The following ADGRD1 variants were observed in gnomAD, a reference collection of about 807,000 sequenced individuals.
ADGRD1 encodes G-protein coupled receptor 133.
In ADGRD1, 77 loss-of-function variants were observed where a neutral mutation model predicts 113.4. That is an observed-to-expected ratio of 0.68 (90% CI 0.57 to 0.82). The LOEUF is 0.82. ADGRD1 is among the 40% of genes least tolerant of loss of function. The pLI, the probability that ADGRD1 is intolerant of heterozygous loss-of-function variation, is 0.00. For missense variants in ADGRD1, 1,036 were observed against 1,139.1 expected, an observed-to-expected ratio of 0.91 and a Z score of 1.30; for synonymous variants, 474 against 475.0, an observed-to-expected ratio of 1.00 and a Z score of 0.03.
intron 2 of ADGRD1, chr12:130,956,356 C>T (rs939745183): frequency 2.6e-5 from 4 of 152,282 alleles, no homozygotes; most frequent in East Asian, 1.9e-4. Flanking sequence ...ACTTCTGTTT[C>T]GTCCACATGC....
At chr12:131,106,637 T>C (rs1411127773) in intron 17 of ADGRD1, among the ~76,000 whole-genome samples, 1 of 152,162 alleles carries the variant, frequency 6.6e-6, no homozygotes, top group East Asian at 1.9e-4. Flanking sequence ...GAACGCTTTA[T>C]CCCATGCCTA....
At chr12:130,992,216 C>T (rs374830831) in intron 7 of ADGRD1, 21 bp from the exon 8 acceptor site, 4 of 1,600,914 alleles carry the variant, frequency 2.5e-6, no homozygotes, top group Non-Finnish European at 3.4e-6. Flanking sequence ...AGTAGAAACT[C>T]ATGTTGCCAA....
At chr12:131,073,715 G>A (rs1015070207) in intron 13 of ADGRD1, among the ~76,000 whole-genome samples, 3 of 152,200 alleles carry the variant, frequency 2.0e-5, no homozygotes, top group African/African-American at 4.8e-5. Context: ...GCCGTGTCTG[G>A]TGAACACCTT....
At chr12:131,036,346 C>T (rs1881382182) in intron 13 of ADGRD1, among the ~76,000 whole-genome samples, 1 of 148,898 alleles carries the variant, frequency 6.7e-6, no homozygotes, top group Admixed American at 6.7e-5. Context: ...CTCACTGCCC[C>T]AGGCCTTACT....
Position 130,998,923 on chromosome 12 carries a change from A to C in ADGRD1, c.967-1460A>C, listed in dbSNP as rs57845199. 6.0e-3 allele frequency among the ~76,000 whole-genome samples: 921 copies of C among 152,354 alleles called. 11 individuals are homozygous for C. The highest frequency in any genetic ancestry group is 0.021 in the African/African-American group (875 of 41,582). On this transcript the variant is annotated intron_variant, in intron 8 of 24. Coordinates refer to ENST00000261654, the MANE Select transcript of ADGRD1 (RefSeq NM_198827.5). ...GATGTGCTGTGAGTGTAAGATGCAC[A>C]CTGGATTTCTAAAACTTTGTGCAAA...
intron 8 of ADGRD1, among the ~76,000 whole-genome samples, chr12:130,993,376 A>ATTCATTCC (rs1003576758): frequency 1.4e-5 from 2 of 140,872 alleles, no homozygotes; most frequent in African/African-American, 2.7e-5. Context: ...CTCAGATTTC[A>ATTCATTCC]TTCATTCATT....
chr12:131,104,555 G>A (rs1001432926), intron 15 of ADGRD1, among the ~76,000 whole-genome samples: 1 of 152,048 alleles, frequency 6.6e-6, no homozygotes, highest in Non-Finnish European at 1.5e-5. Flanking sequence ...GCCTGCCCGG[G>A]CCAGGCAGCC....
At chr12:131,119,863 T>C (rs1187339621) in intron 19 of ADGRD1, among the ~76,000 whole-genome samples, 2 of 152,118 alleles carry the variant, frequency 1.3e-5, no homozygotes, top group Admixed American at 6.5e-5. Flanking sequence ...GTGCTGTCTC[T>C]TGTTTTGGGG....
At chr12:131,004,491 C>G (rs1876850341) in intron 11 of ADGRD1, among the ~76,000 whole-genome samples, 195 bp downstream of exon 11, 1 of 152,116 alleles carries the variant, frequency 6.6e-6, no homozygotes, top group Admixed American at 6.5e-5. Flanking sequence ...AGCGTGTCCT[C>G]AGGCCACCCT....
At chr12:131,089,032 C>G (rs552053585) in intron 15 of ADGRD1, among the ~76,000 whole-genome samples, 3 of 152,306 alleles carry the variant, frequency 2.0e-5, no homozygotes, top group African/African-American at 7.2e-5. Flanking sequence ...CTCTGAGCAG[C>G]CCCAGGCACA....
intron 8 of ADGRD1, among the ~76,000 whole-genome samples, chr12:130,996,525 C>T (rs1232846652): frequency 4.3e-5 from 5 of 117,546 alleles, no homozygotes; most frequent in African/African-American, 6.6e-5. Context: ...GCTGGCCGGG[C>T]GGGGGGCTGA....
At chr12:131,059,684 A>G (rs947615952) in intron 13 of ADGRD1, among the ~76,000 whole-genome samples, 1 of 152,228 alleles carries the variant, frequency 6.6e-6, no homozygotes, top group Non-Finnish European at 1.5e-5. Flanking sequence ...CAGCTTAGGC[A>G]TGCTCAGCCG....
intron 14 of ADGRD1, among the ~76,000 whole-genome samples, chr12:131,079,367 A>G (rs1885892702): frequency 6.6e-6 from 1 of 152,130 alleles, no homozygotes; most frequent in African/African-American, 2.4e-5. Flanking sequence ...GTCATGATGT[A>G]TTATCTTTTT....
At chr12:131,036,732 CTG>C (rs1421007737) in intron 13 of ADGRD1, among the ~76,000 whole-genome samples, 5,491 of 121,746 alleles carry the variant, frequency 0.045, 247 homozygotes, top group Admixed American at 0.068. Context: ...GCCTCACTCA[CTG>C]CATGGGGCCT....
chr12:131,120,127 C>T (rs1485176215), intron 19 of ADGRD1, among the ~76,000 whole-genome samples: 1 of 152,168 alleles, frequency 6.6e-6, no homozygotes, highest in East Asian at 1.9e-4. Context: ...CCCGGGGAGA[C>T]ACCACATTGG....
At chr12:131,124,009 G>C (rs531302296) in intron 20 of ADGRD1, among the ~76,000 whole-genome samples, 8 of 152,214 alleles carry the variant, frequency 5.3e-5, no homozygotes, top group Non-Finnish European at 8.8e-5. Context: ...CAAAGACTGC[G>C]TGGCCCGCAA....
At chr12:131,094,042 GTCCCCAGCC>G in intron 15 of ADGRD1, among the ~76,000 whole-genome samples, 1 of 145,666 alleles carries the variant, frequency 6.9e-6, no homozygotes, top group South Asian at 2.2e-4. Flanking sequence ...CCCAGCCTCA[GTCCCCAGCC>G]TCAGCACCCA....
In ADGRD1 at chr12:131,050,769, G is replaced by A. The variant is rs553060008; in HGVS notation, c.1474-26032G>A. On this transcript the variant is annotated intron_variant, in intron 13 of 24. Coordinates refer to ENST00000261654, the MANE Select transcript of ADGRD1 (RefSeq NM_198827.5). This position sits in a 1 kb window ranked among gnomAD's most constrained non-coding sequence, Gnocchi z 4.8. ...CACGGATGGGGTGGGGGATGGATTCGGGATGAAACTGTTCCCCCTCAGATC... is the reference window on the plus strand; with the variant it reads ...CACGGATGGGGTGGGGGATGGATTCAGGATGAAACTGTTCCCCCTCAGATC... Among the ~76,000 whole-genome samples, 1 of 152,206 alleles carries A rather than the reference G, an allele frequency of 6.6e-6. No homozygotes were observed. Among genetic ancestry groups the A allele is most frequent in the South Asian group, 2.1e-4 (1 of 4,822 alleles).
At chr12:130,960,837 G>A (rs1356015573) in intron 2 of ADGRD1, among the ~76,000 whole-genome samples, 1 of 152,190 alleles carries the variant, frequency 6.6e-6, no homozygotes, top group Non-Finnish European at 1.5e-5. Context: ...ATAAGGACCT[G>A]AAAGAAAGAG....
Sources: allele counts gnomAD v4.1 joint callset (sites outside exome capture counted in the v4.1 genomes callset), GRCh38; gene constraint gnomAD v4.1.1; non-coding constraint Gnocchi (gnomAD v3.1); transcripts MANE v1.5; gene names NCBI Gene and HGNC (gene_info 2026-07-23, HGNC 2026-07-21).